The following ZNF280C variants were observed in gnomAD, a reference collection of about 807,000 sequenced individuals.
The protein encoded by ZNF280C is zinc finger protein 280C.
ZNF280C carries 14 observed loss-of-function variants against 53.6 expected under a neutral mutation model. The ratio of observed to expected loss-of-function variants is 0.26; its 90% CI spans 0.17 to 0.41. ZNF280C has a LOEUF of 0.41. Among genes scored for constraint, ZNF280C ranks in the 10% least tolerant of loss-of-function variants. The probability of loss-of-function intolerance (pLI) is 1.00; values close to 1 mark genes in which losing one functional copy is unlikely to be tolerated. For synonymous variants in ZNF280C, 203 were observed against 181.1 expected, an observed-to-expected ratio of 1.12 and a Z score of -0.97; for missense variants, 416 against 547.1, an observed-to-expected ratio of 0.76 and a Z score of 2.39.
chrX:130,236,568 G>T lies in ZNF280C; in HGVS notation c.565C>A (p.Pro189Thr). The T allele has an allele frequency of 8.3e-7, 1 of 1,205,318 alleles. No individual in the cohort carries two copies. Among genetic ancestry groups the T allele is most frequent in the East Asian group, 3.0e-5 (1 of 33,677 alleles). The part of the protein sequence containing the change: ...SKVNSVTPKK[P>T]KTSEDVPQIN... ...TGAGGAACATCTTCACTGGTCTTTG[G>T]TTTTTTTGGAGTAACACTGTTTACT... Residue 189 changes from proline (P) to threonine (T), a missense_variant, in exon 7 of 19, where the codon CCA (proline) becomes ACA (threonine). Coordinates refer to ENST00000370978, the MANE Select transcript of ZNF280C (RefSeq NM_017666.5).
chrX:130,231,844 G>A (rs112110174), intron 8 of ZNF280C, among the ~76,000 whole-genome samples: 7 of 110,285 alleles, frequency 6.3e-5, no homozygotes, highest in African/African-American at 2.0e-4. Context: ...GGCCAATATG[G>A]TGAAACCCCG....
Position 130,204,932 on chromosome X carries a change from C to CA in ZNF280C, c.*44dup. On this transcript the variant is annotated 3_prime_UTR_variant, in exon 19 of 19. Transcript: ENST00000370978. ...TCAGAACTTTGAACTTAGGAACTTC[C>CA]AACTTGTCTTGCACCAGGTTGCATG... 1 of 1,061,025 alleles carries CA rather than the reference C, an allele frequency of 9.4e-7. No homozygotes were observed. The highest frequency in any genetic ancestry group is 1.2e-6 in the Non-Finnish European group (1 of 818,840). The allele number at this position is 1,061,025 out of a possible 1,213,427, so 87.4% of individuals were successfully genotyped here.
intron 2 of ZNF280C, among the ~76,000 whole-genome samples, chrX:130,254,383 T>C (rs770886809): frequency 1.8e-5 from 2 of 112,006 alleles, no homozygotes; most frequent in East Asian, 2.8e-4. Flanking sequence ...GAACTACCAT[T>C]AGACCCAGCA....
chrX:130,222,054 T>C (rs777057810), intron 12 of ZNF280C, among the ~76,000 whole-genome samples: 8 of 110,879 alleles, frequency 7.2e-5, no homozygotes, highest in Non-Finnish European at 1.5e-4. Context: ...TAGGTATATG[T>C]TCACTTCACT....
chrX:130,207,559 G>A (rs2031989362), intron 16 of ZNF280C, among the ~76,000 whole-genome samples: 1 of 110,500 alleles, frequency 9.0e-6, no homozygotes, highest in Admixed American at 9.7e-5. Flanking sequence ...ATGGGGTTTT[G>A]CCATGTTGGC....
chrX:130,221,370 T>C lies in ZNF280C; in HGVS notation c.1396-890A>G, dbSNP rs192984551. Among the ~76,000 whole-genome samples, 862 of 111,525 alleles carry C rather than the reference T, an allele frequency of 7.7e-3. 5 individuals are homozygous for C. The highest frequency in any genetic ancestry group is 0.018 in the Middle Eastern group (4 of 219). On this transcript the variant is annotated intron_variant, in intron 12 of 18. Coordinates refer to ENST00000370978, the MANE Select transcript of ZNF280C (RefSeq NM_017666.5). The stretch of plus-strand genomic sequence containing the variant: ...CAGAGTACAGTTCCCACAATTTTTT[T>C]CTCTACCTATACCTATACCTCATTC...
intron 12 of ZNF280C, among the ~76,000 whole-genome samples, chrX:130,225,880 G>C (rs974322601): frequency 8.9e-6 from 1 of 111,993 alleles, no homozygotes; most frequent in Non-Finnish European, 1.9e-5. Context: ...GTAATGAGCT[G>C]ATCAGTGAGG....
rs777185311 is a variant in ZNF280C at position 130,265,591 on chromosome X, G to T, written c.-17+3171C>A. On this transcript the variant is annotated intron_variant, in intron 1 of 18. Transcript: ENST00000370978. ...AACTTATCCACCAGGGAAAATGTAA[G>T]TAAGTGCATTGATGGGAACACTGGA... 3.8e-4 allele frequency among the ~76,000 whole-genome samples: 42 copies of T among 111,983 alleles called. 1 individual carries two copies. Among genetic ancestry groups the T allele is most frequent in the Admixed American group, 3.5e-3 (37 of 10,510 alleles).
At chrX:130,247,092 C>T in intron 2 of ZNF280C, 87 bp from the exon 3 acceptor site, 1 of 886,836 alleles carries the variant, frequency 1.1e-6, no homozygotes, top group Non-Finnish European at 1.6e-6. Context: ...TTAAGATGCA[C>T]TGTAATAATC....
chrX:130,255,202 G>GCA (rs1205654744), intron 2 of ZNF280C, among the ~76,000 whole-genome samples: 1 of 96,793 alleles, frequency 1.0e-5, no homozygotes, highest in African/African-American at 3.8e-5. Context: ...GTGCAGTGGC[G>GCA]GGATCTCGGC....
chrX:130,224,244 G>A (rs923638659), intron 12 of ZNF280C, among the ~76,000 whole-genome samples: 5 of 111,820 alleles, frequency 4.5e-5, no homozygotes, highest in Non-Finnish European at 9.4e-5. Context: ...CCCATGTGAA[G>A]ACACAGTGAG....
Position 130,235,304 on chromosome X carries a change from C to T in ZNF280C, c.771+910G>A, listed in dbSNP as rs75075927. ...TGAGGCCAGTGGATCCACTTGATGC[C>T]AGGAGTTCGAGACCAGTCTGGCCAA... On this transcript the variant is annotated intron_variant, in intron 8 of 18. Transcript: ENST00000370978. Among the ~76,000 whole-genome samples, 398 of 112,239 alleles carry T rather than the reference C, an allele frequency of 3.5e-3. 18 individuals are homozygous for T. In the East Asian group the frequency reaches 0.1, roughly 29 times the overall value.
At chrX:130,268,518 C>G (rs1351064505) in intron 1 of ZNF280C, among the ~76,000 whole-genome samples, 1 of 111,955 alleles carries the variant, frequency 8.9e-6, no homozygotes, top group Non-Finnish European at 1.9e-5. Context: ...CCACTGCCCG[C>G]CGCGGGCCGC....
intron 13 of ZNF280C, among the ~76,000 whole-genome samples, chrX:130,219,257 G>T (rs774895219): frequency 9.0e-6 from 1 of 110,592 alleles, no homozygotes; most frequent in African/African-American, 3.3e-5. Context: ...AGGCCGAGGC[G>T]GGCAGATCAC....
intron 2 of ZNF280C, among the ~76,000 whole-genome samples, chrX:130,250,016 A>C (rs1237479882): frequency 1.8e-5 from 2 of 112,206 alleles, no homozygotes; most frequent in South Asian, 3.7e-4. Flanking sequence ...AAATGCAATC[A>C]TAAGTATTAA....
rs2032456537 is a variant in ZNF280C at position 130,246,927 on chromosome X, G to A, written c.110C>T (p.Thr37Ile). Residue 37 changes from threonine (T) to isoleucine (I), a missense_variant, in exon 3 of 19, where the codon ACT (threonine) becomes ATT (isoleucine). This residue lies in a region of ZNF280C where 193 missense variants were observed against 201.4 expected (regional missense o/e 0.96). Coordinates refer to ENST00000370978, the MANE Select transcript of ZNF280C (RefSeq NM_017666.5). ...CAGTTCATCGTCATCCTCATCCTGA[G>A]TTTCTTCTACTTTCTTCTGCCATGG... ...LEPWQKKVEE[T>I]QDEDDDELIF... is the part of the protein sequence containing the mutation. The A allele has an allele frequency of 3.3e-6, 4 of 1,209,519 alleles. No individual in the cohort carries two copies. Among genetic ancestry groups the A allele is most frequent in the Non-Finnish European group, 4.5e-6 (4 of 894,587 alleles).
At chrX:130,257,169 C>A (rs2032582730) in intron 2 of ZNF280C, among the ~76,000 whole-genome samples, 2 of 93,584 alleles carry the variant, frequency 2.1e-5, no homozygotes, top group Non-Finnish European at 4.2e-5. Context: ...CCACTGCACT[C>A]CAGCCTGGGC....
chrX:130,223,624 T>C (rs1239745171), intron 12 of ZNF280C, among the ~76,000 whole-genome samples: 1 of 112,162 alleles, frequency 8.9e-6, no homozygotes, highest in Non-Finnish European at 1.9e-5. Context: ...GGCTGTCAAA[T>C]GGTAAGTGAT....
chrX:130,227,026 G>A (rs1048146275), intron 11 of ZNF280C, 121 bp from the exon 12 acceptor site: 1 of 567,215 alleles, frequency 1.8e-6, no homozygotes, highest in East Asian at 3.4e-5. Flanking sequence ...CAGCTCTGCT[G>A]CCTATACAAC....
Sources: gnomAD v4.1 joint callset for allele counts (sites outside exome capture counted in the v4.1 genomes callset) on GRCh38, gnomAD v4.1.1 for gene constraint, gnomAD v4.1.1 regional missense constraint, MANE v1.5 for transcripts, NCBI Gene and HGNC (gene_info 2026-07-23, HGNC 2026-07-21) for gene names.